PDZD7: variants seen among roughly 807,000 people sequenced by gnomAD.
The protein encoded by PDZD7 is PDZ domain-containing protein 7.
A neutral mutation model predicts 84.7 loss-of-function variants in PDZD7; 72 were observed. That is an observed-to-expected ratio of 0.85 (90% confidence interval 0.70 to 1.03). The LOEUF (loss-of-function observed/expected upper bound fraction) is 1.03. Among genes scored for constraint, PDZD7 ranks in the 50% least tolerant of loss-of-function variants. The pLI is 0.00. For synonymous variants in PDZD7, 594 were observed against 580.7 expected, an observed-to-expected ratio of 1.02 and a Z score of -0.33; for missense variants, 1,490 against 1,412.9, an observed-to-expected ratio of 1.05 and a Z score of -0.87.
intron 2 of PDZD7, among the ~76,000 whole-genome samples, chr10:101,029,452 C>T (rs1374275405): frequency 6.6e-6 from 1 of 152,170 alleles, no homozygotes; most frequent in African/African-American, 2.4e-5. Context: ...ATGGAGCTCC[C>T]TCTCCACCCT....
At position 101,013,942 on chromosome 10, in the gene PDZD7, A is replaced by C. The variant is rs557973251; in HGVS notation, c.1750-1684T>G. 1.6e-4 allele frequency among the ~76,000 whole-genome samples: 24 copies of C among 148,042 alleles called. No individual in the cohort carries two copies. The South Asian group carries it at 5.1e-3, about 32-fold the overall frequency. Reference sequence around the variant, plus strand: ...TTGGCTCACTGCAACCTCCACCTCCAGGGTTCAAGCGATTCTCCTGCCTCA... The same window carrying C: ...TTGGCTCACTGCAACCTCCACCTCCCGGGTTCAAGCGATTCTCCTGCCTCA... On this transcript the variant is annotated intron_variant, in intron 11 of 16. Coordinates refer to ENST00000619208, the MANE Select transcript of PDZD7 (RefSeq NM_001195263.2).
intron 14 of PDZD7, chr10:101,011,126 C>T (rs1852381360): frequency 4.8e-6 from 6 of 1,246,168 alleles, no homozygotes; most frequent in Non-Finnish European, 6.4e-6. Flanking sequence ...CTGCAACCTC[C>T]ACCTCCCAGG....
rs1016837400 is a variant in PDZD7 at position 101,007,691 on chromosome 10, G to C, written c.*776C>G. ...CAGACCAAAGGAAGAACTCAGAAAT[G>C]TCTTGTTTATTTGTGTTTGTGACCA... On this transcript the variant is annotated 3_prime_UTR_variant, in exon 17 of 17. Coordinates refer to ENST00000619208, the MANE Select transcript of PDZD7 (RefSeq NM_001195263.2). 2.9e-6 allele frequency: 3 copies of C among 1,044,410 alleles called. No homozygotes were observed. Among genetic ancestry groups the C allele is most frequent in the Non-Finnish European group, 3.5e-6 (3 of 857,206 alleles). 64.7% of individuals were successfully genotyped at this position (1,044,410 alleles called of 1,614,324 possible).
At chr10:101,025,109 T>C (rs779226713) in intron 2 of PDZD7, among the ~76,000 whole-genome samples, 37 of 152,258 alleles carry the variant, frequency 2.4e-4, no homozygotes, top group Admixed American at 4.6e-4. Context: ...AAACAGAACC[T>C]GCCTGCAGTA....
At chr10:101,019,916 G>A (rs1375994199) in intron 7 of PDZD7, among the ~76,000 whole-genome samples, 1 of 148,394 alleles carries the variant, frequency 6.7e-6, no homozygotes, top group Non-Finnish European at 1.5e-5. Context: ...ATAAGCCACC[G>A]CGCCAGGCTT....
chr10:101,008,320 G>A lies in PDZD7; in HGVS notation c.*147C>T. 1 of 850,434 alleles carries A rather than the reference G, an allele frequency of 1.2e-6. No individual in the cohort carries two copies. The highest frequency in any genetic ancestry group is 1.8e-6 in the Non-Finnish European group (1 of 566,350). The allele number at this position is 850,434 out of a possible 1,614,324, so 52.7% of individuals were successfully genotyped here. A position where few individuals can be genotyped will look rare whatever the true frequency, so the allele number is the denominator to read the frequency against. Reference sequence around the variant, plus strand: ...GCCTTAATGACAGCTGAGGAGGGAAGAAAGTGGAAAGATGTGAGCCACCAG... The same window carrying A: ...GCCTTAATGACAGCTGAGGAGGGAAAAAAGTGGAAAGATGTGAGCCACCAG... On this transcript the variant is annotated 3_prime_UTR_variant, in exon 17 of 17. Transcript: ENST00000619208.
intron 9 of PDZD7, 87 bp downstream of exon 9, chr10:101,018,012 G>C (rs1360430964): frequency 6.5e-7 from 1 of 1,540,956 alleles, no homozygotes; most frequent in Admixed American, 1.7e-5. Flanking sequence ...CTGGTAAGAC[G>C]CGGTGTGGGA....
chr10:101,024,770 CAAA>C (rs555432860), intron 2 of PDZD7, among the ~76,000 whole-genome samples: 9 of 62,488 alleles, frequency 1.4e-4, no homozygotes, highest in Admixed American at 7.3e-4. Flanking sequence ...ACCCCTGTCT[CAAA>C]AAAAAAAAAA....
rs1407726090 is a variant in PDZD7 at position 101,022,370 on chromosome 10, A to G, written c.558T>C (p.Asn186=). ...KEKTTWVDVV[N]RRLVVEKCGS... is the part of the protein sequence containing the mutation. Reference sequence around the variant, plus strand: ...CGCACTTCTCCACTACCAGGCGCCGATTCACCACATCCACCCTGGACAACA... The same window carrying G: ...CGCACTTCTCCACTACCAGGCGCCGGTTCACCACATCCACCCTGGACAACA... The change falls in exon 5 of 17, where the codon AAT becomes AAC. Residue 186 remains asparagine (N), a synonymous_variant. Coordinates refer to ENST00000619208, the MANE Select transcript of PDZD7 (RefSeq NM_001195263.2). 1.2e-6 allele frequency: 2 copies of G among 1,614,074 alleles called. No homozygotes were observed. Among genetic ancestry groups the G allele is most frequent in the South Asian group, 2.2e-5 (2 of 91,084 alleles).
Position 101,019,498 on chromosome 10 carries a change from C to T in PDZD7, c.929-281G>A, listed in dbSNP as rs148431602. ...AATAGCTCTGGACTGTGTGAAGGGT[C>T]TTGGTTCCTGTGCTTTTCTGCTTCC... On this transcript the variant is annotated intron_variant, in intron 7 of 16. Coordinates refer to ENST00000619208, the MANE Select transcript of PDZD7 (RefSeq NM_001195263.2). 9.6e-3 allele frequency among the ~76,000 whole-genome samples: 1,454 copies of T among 150,806 alleles called. 10 individuals are homozygous for T. The highest frequency in any genetic ancestry group is 0.031 in the Middle Eastern group (9 of 290).
intron 11 of PDZD7, among the ~76,000 whole-genome samples, chr10:101,013,907 T>C (rs1362536352): frequency 1.3e-5 from 2 of 148,708 alleles, no homozygotes; most frequent in African/African-American, 2.5e-5. Flanking sequence ...TGGAGTGCAA[T>C]GGCACGATCT....
intron 11 of PDZD7, among the ~76,000 whole-genome samples, chr10:101,014,609 A>C (rs548888972): frequency 1.8e-4 from 27 of 152,000 alleles, no homozygotes; most frequent in African/African-American, 6.5e-4. Flanking sequence ...TCTGCTGCAA[A>C]CCGGGCCTTG....
rs111287837 is a variant in PDZD7, at chr10:101,010,521, T to C, written c.2368A>G (p.Lys790Glu). 0.038 allele frequency: 58,874 copies of C among 1,530,350 alleles called. 2,089 individuals carry two copies. Among genetic ancestry groups the C allele is most frequent in the African/African-American group, 0.18 (13,318 of 72,824 alleles). The allele number at this position is 1,530,350 out of a possible 1,614,324, so 94.8% of individuals were successfully genotyped here. A position where few individuals can be genotyped will look rare whatever the true frequency, so the allele number is the denominator to read the frequency against. Residue 790 changes from lysine (K) to glutamate (E), a missense_variant, in exon 15 of 17, where the codon AAG becomes GAG. Transcript: ENST00000619208. ...SRSRSSRGQG[K>E]SPGRRSPSPV... ...GATGGGGAGCGTCTACCTGGAGACT[T>C]GCCTTGACCCCGGCTGCTGCGGCTG...
Position 101,024,036 on chromosome 10 carries a change from C to T in PDZD7, c.259G>A (p.Val87Ile), listed in dbSNP as rs1210929048. 3 of 1,614,286 alleles carry T rather than the reference C, an allele frequency of 1.9e-6. No individual in the cohort carries two copies. Among genetic ancestry groups the T allele is most frequent in the Admixed American group, 1.7e-5 (1 of 60,032 alleles). The change falls in exon 3 of 17, where the codon GTC becomes ATC. Residue 87 changes from valine (V) to isoleucine (I), a missense_variant. Val to Ile is a conservative substitution (Grantham distance 29). Coordinates refer to ENST00000619208, the MANE Select transcript of PDZD7 (RefSeq NM_001195263.2). ...NSDESDIIHS[V>I]RVEKSPAGRL... ...CCTGCTGGACTCTTCTCCACCCGGA[C>T]TGAATGGATGATGTCACTTTCATCA... is the stretch of plus-strand genomic sequence containing the variant.
At chr10:101,020,738 A>C in intron 6 of PDZD7, 60 bp from the exon 7 acceptor site, 53 of 1,224,280 alleles carry the variant, frequency 4.3e-5, no homozygotes, top group Non-Finnish European at 5.8e-5. Flanking sequence ...GAGAGTGAGA[A>C]TGGGGCGGGG....
intron 14 of PDZD7, 123 bp from the exon 15 acceptor site, chr10:101,011,006 G>A: frequency 6.7e-7 from 1 of 1,493,866 alleles, no homozygotes; most frequent in Non-Finnish European, 8.9e-7. Context: ...CTGCAGTGCG[G>A]CCCACCCACC....
chr10:101,008,369 T>G lies in PDZD7; in HGVS notation c.*98A>C. ...AGTGTGGCACTGGGAGGAGGCAGGG[T>G]GGGCAGGAGCTGGAGAGTCCTGAAG... On this transcript the variant is annotated 3_prime_UTR_variant, in exon 17 of 17. Transcript: ENST00000619208. The G allele has an allele frequency of 3.3e-6, 4 of 1,220,064 alleles. No homozygotes were observed. Among genetic ancestry groups the G allele is most frequent in the Non-Finnish European group, 4.4e-6 (4 of 900,584 alleles). The allele number at this position is 1,220,064 out of a possible 1,614,324, so 75.6% of individuals were successfully genotyped here.
intron 7 of PDZD7, among the ~76,000 whole-genome samples, chr10:101,019,766 C>T (rs1852970316): frequency 6.6e-6 from 1 of 151,736 alleles, no homozygotes. Flanking sequence ...GCTGGTATGA[C>T]AGGTGCCCAC....
intron 8 of PDZD7, among the ~76,000 whole-genome samples, chr10:101,018,529 T>G (rs2134052853): frequency 6.6e-6 from 1 of 152,256 alleles, no homozygotes; most frequent in East Asian, 1.9e-4. Context: ...AGGGCACACA[T>G]GCGTGCGTGT....
Sources: gnomAD v4.1 joint callset for allele counts (sites outside exome capture counted in the v4.1 genomes callset) on GRCh38, gnomAD v4.1.1 for gene constraint, MANE v1.5 for transcripts, NCBI Gene and HGNC (gene_info 2026-07-23, HGNC 2026-07-21) for gene names.